The following MCUR1 variants were observed in gnomAD, a reference collection of about 807,000 sequenced individuals.
The protein encoded by MCUR1 is mitochondrial calcium uniporter regulator 1, also known as MCU regulator 1.
MCUR1 carries 37 observed loss-of-function variants against 42.0 expected under a neutral mutation model. The observed-to-expected ratio is 0.88, with a 90% CI of 0.68 to 1.16. The LOEUF is 1.16. Among genes scored for constraint, MCUR1 ranks in the 50% most tolerant of loss-of-function variants. MCUR1 has a pLI of 0.00. For synonymous variants in MCUR1, 229 were observed against 196.2 expected, an observed-to-expected ratio of 1.17 and a Z score of -1.40; for missense variants, 469 against 468.4, an observed-to-expected ratio of 1.00 and a Z score of -0.01.
At chr6:13,803,405 T>G (rs567005354) in intron 2 of MCUR1, among the ~76,000 whole-genome samples, 1 of 152,352 alleles carries the variant, frequency 6.6e-6, no homozygotes, top group South Asian at 2.1e-4. Flanking sequence ...TAACTCCTAT[T>G]TAACATAAAT....
In MCUR1 at chr6:13,790,456, G is replaced by T. The variant is rs1759701320; in HGVS notation, c.*353C>A. ...AAGAAAACAAAAGGACAACAATCTG[G>T]TATTCCGGTTTTTTTTTTTTTTTTG... is the stretch of plus-strand genomic sequence containing the variant. On this transcript the variant is annotated 3_prime_UTR_variant, in exon 9 of 9. Transcript: ENST00000379170. 6.5e-6 allele frequency: 1 copy of T among 155,032 alleles called. No individual in the cohort carries two copies. The highest frequency in any genetic ancestry group is 2.4e-5 in the African/African-American group (1 of 41,172). The allele number at this position is 155,032 out of a possible 1,614,324, so 9.6% of individuals were successfully genotyped here. A position where few individuals can be genotyped will look rare whatever the true frequency, so the allele number is the denominator to read the frequency against.
At chr6:13,794,818 G>A (rs1454736500) in intron 6 of MCUR1, among the ~76,000 whole-genome samples, 4 of 152,058 alleles carry the variant, frequency 2.6e-5, no homozygotes, top group African/African-American at 4.8e-5. Context: ...CCACTTGGGC[G>A]TAGCCATAAT....
At chr6:13,804,554 C>G (rs1468843562) in intron 2 of MCUR1, among the ~76,000 whole-genome samples, 2 of 151,358 alleles carry the variant, frequency 1.3e-5, no homozygotes, top group Non-Finnish European at 3.0e-5. Context: ...GCGGGCGGAT[C>G]ACGAGGTCAG....
chr6:13,810,165 T>C (rs1209928674), intron 1 of MCUR1, among the ~76,000 whole-genome samples: 1 of 151,966 alleles, frequency 6.6e-6, no homozygotes, highest in Non-Finnish European at 1.5e-5. Context: ...ATCGCACCAC[T>C]GCACTACAGC....
At chr6:13,797,550 T>C (rs1584984503) in intron 6 of MCUR1, among the ~76,000 whole-genome samples, 1 of 150,740 alleles carries the variant, frequency 6.6e-6, no homozygotes, top group African/African-American at 2.4e-5. Context: ...CTACTAAAAA[T>C]ACAAAAAATT....
Position 13,810,732 on chromosome 6 carries a change from T to G in MCUR1, c.415+3283A>C, listed in dbSNP as rs537627916. The stretch of plus-strand genomic sequence containing the variant: ...GGAAGGGGAGGGTAGCTGTGGTCAC[T>G]GTAAGCATCCAGATGAGTGCAAGAG... On this transcript the variant is annotated intron_variant, in intron 1 of 8. Coordinates refer to ENST00000379170, the MANE Select transcript of MCUR1 (RefSeq NM_001031713.4). 6.6e-5 allele frequency among the ~76,000 whole-genome samples: 10 copies of G among 152,332 alleles called. No individual in the cohort carries two copies. In the South Asian group the frequency reaches 1.7e-3, roughly 25 times the overall value.
intron 8 of MCUR1, among the ~76,000 whole-genome samples, chr6:13,791,660 T>A: frequency 6.6e-6 from 1 of 152,168 alleles, no homozygotes; most frequent in East Asian, 1.9e-4. Context: ...CTATCAATTA[T>A]AACGTACACA....
intron 1 of MCUR1, among the ~76,000 whole-genome samples, 189 bp downstream of exon 1, chr6:13,813,826 G>A (rs531406607): frequency 4.1e-4 from 63 of 152,306 alleles, no homozygotes; most frequent in African/African-American, 1.3e-3. Context: ...TCTGGGCTAA[G>A]CCCCGCCACC....
At chr6:13,792,898 T>C (rs1759762904) in intron 7 of MCUR1, among the ~76,000 whole-genome samples, 1 of 152,100 alleles carries the variant, frequency 6.6e-6, no homozygotes, top group Admixed American at 6.6e-5. Context: ...AAATGTATGC[T>C]ATAAATTAAA....
At chr6:13,811,691 G>C (rs1760238226) in intron 1 of MCUR1, among the ~76,000 whole-genome samples, 1 of 152,116 alleles carries the variant, frequency 6.6e-6, no homozygotes, top group South Asian at 2.1e-4. Flanking sequence ...GAAAACACCT[G>C]AGTCTGGAAT....
intron 1 of MCUR1, among the ~76,000 whole-genome samples, chr6:13,810,139 G>A (rs1386287003): frequency 6.6e-6 from 1 of 151,888 alleles, no homozygotes; most frequent in Non-Finnish European, 1.5e-5. Flanking sequence ...GGAGGCGGAG[G>A]TTGCAGTGAG....
intron 6 of MCUR1, among the ~76,000 whole-genome samples, chr6:13,796,566 G>A (rs1252069943): frequency 6.6e-6 from 1 of 152,090 alleles, no homozygotes; most frequent in East Asian, 1.9e-4. Context: ...GATTACAGGT[G>A]TGAGCCACCA....
chr6:13,791,921 G>C lies in MCUR1; in HGVS notation c.981C>G (p.Thr327=), dbSNP rs745622086. 4.3e-6 allele frequency: 7 copies of C among 1,613,966 alleles called. No homozygotes were observed. In the South Asian group the frequency reaches 6.6e-5, roughly 15 times the overall value. Residue 327 remains threonine, a synonymous_variant, in exon 8 of 9, where the codon ACC becomes ACG. Transcript: ENST00000379170. ...TATCAAGCTTGTGTGACTCAAGCAT[G>C]GTTTTGAGGCCAGCAACCTCAGTTT... ...KIETEVAGLK[T]MLESHKLDNI...
At chr6:13,798,524 G>T (rs569373125) in intron 6 of MCUR1, among the ~76,000 whole-genome samples, 5 of 152,188 alleles carry the variant, frequency 3.3e-5, no homozygotes, top group Admixed American at 2.6e-4. Context: ...GAAGATTTAA[G>T]TCAGTATTAA....
In MCUR1 at chr6:13,814,502, C is replaced by A. The variant is rs1002590392; in HGVS notation, c.-73G>T. 239 of 1,351,240 alleles carry A rather than the reference C, an allele frequency of 1.8e-4. No homozygotes were observed. Among genetic ancestry groups the A allele is most frequent in the Non-Finnish European group, 2.2e-4 (236 of 1,054,952 alleles). The allele number at this position is 1,351,240 out of a possible 1,614,324, so 83.7% of individuals were successfully genotyped here. A position where few individuals can be genotyped will look rare whatever the true frequency, so the allele number is the denominator to read the frequency against. ...TGGCGCCGGCCACGCGCGGTCCAGG[C>A]CCAGAGTCCGACAGCGGGAGCGAGC... On this transcript the variant is annotated 5_prime_UTR_variant, in exon 1 of 9. Coordinates refer to ENST00000379170, the MANE Select transcript of MCUR1 (RefSeq NM_001031713.4).
At position 13,814,551 on chromosome 6, in the gene MCUR1, C is replaced by G; in HGVS notation, c.-122G>C. On this transcript the variant is annotated 5_prime_UTR_variant, in exon 1 of 9. Coordinates refer to ENST00000379170, the MANE Select transcript of MCUR1 (RefSeq NM_001031713.4). ...GCGTGGGCCACAGCGCAGGACCGCC[C>G]TTTCCTGCCGGGCGCGCGGGCGGGG... 9.4e-7 allele frequency: 1 copy of G among 1,068,282 alleles called. No individual in the cohort carries two copies. The highest frequency in any genetic ancestry group is 1.2e-6 in the Non-Finnish European group (1 of 853,328). 66.2% of individuals were successfully genotyped at this position (1,068,282 alleles called of 1,614,324 possible).
intron 1 of MCUR1, among the ~76,000 whole-genome samples, chr6:13,810,934 G>A (rs1185735525): frequency 1.3e-5 from 2 of 152,168 alleles, no homozygotes; most frequent in African/African-American, 2.4e-5. Flanking sequence ...TTATGACCAC[G>A]CTTATCCTTT....
chr6:13,802,348 TAAGC>T lies in MCUR1; in HGVS notation c.536-6_536-3del, dbSNP rs781467698. 8 of 1,612,022 alleles carry T rather than the reference TAAGC, an allele frequency of 5.0e-6. No homozygotes were observed. The highest frequency in any genetic ancestry group is 6.8e-6 in the Non-Finnish European group (8 of 1,178,610). Reference sequence around the variant, plus strand: ...TTTCTGCTTGTTGAGTAGCAAACCCTAAGCAAGCACACAAGCAAAAAAAATCATG... The same window carrying T: ...TTTCTGCTTGTTGAGTAGCAAACCCTAAGCACACAAGCAAAAAAAATCATG... On this transcript the variant is annotated splice_region_variant and splice_polypyrimidine_tract_variant and intron_variant, in intron 2 of 8. Transcript: ENST00000379170.
intron 2 of MCUR1, chr6:13,804,149 C>G (rs918521575): frequency 7.8e-6 from 2 of 258,054 alleles, no homozygotes; most frequent in Admixed American, 8.7e-5. Context: ...GGTGAAACCC[C>G]GTCTCTAGTA....
Sources: allele counts gnomAD v4.1 joint callset (sites outside exome capture counted in the v4.1 genomes callset), GRCh38; gene constraint gnomAD v4.1.1; transcripts MANE v1.5; gene names NCBI Gene and HGNC (gene_info 2026-07-23, HGNC 2026-07-21).